The following FRG1 variants were observed in gnomAD, a reference collection of about 807,000 sequenced individuals.
FRG1 encodes FSHD region gene 1.
A neutral mutation model predicts 37.0 loss-of-function variants in FRG1; 19 were observed. That is an observed-to-expected ratio of 0.51 (90% CI 0.36 to 0.75). FRG1 has a LOEUF of 0.75. Among genes scored for constraint, FRG1 ranks in the 30% least tolerant of loss-of-function variants. FRG1 has a pLI of 0.00. For missense variants in FRG1, 243 were observed against 301.4 expected (o/e 0.81, Z 1.44); for synonymous variants, 73 against 96.5 (o/e 0.76, Z 1.43).
At chr4:189,958,661 C>T (rs1479542631) in intron 6 of FRG1, among the ~76,000 whole-genome samples, 1 of 152,232 alleles carries the variant, frequency 6.6e-6, no homozygotes, top group South Asian at 2.1e-4. Flanking sequence ...CTTTGTTTTA[C>T]ATCATTGTAA....
intron 2 of FRG1, among the ~76,000 whole-genome samples, chr4:189,948,764 C>T (rs1022255128): frequency 1.1e-4 from 16 of 152,288 alleles, no homozygotes; most frequent in Admixed American, 9.2e-4. Flanking sequence ...GATCGTGGCT[C>T]AGTGCACCCT....
chr4:189,958,019 C>A (rs1426234712), intron 6 of FRG1, among the ~76,000 whole-genome samples: 1 of 151,858 alleles, frequency 6.6e-6, no homozygotes, highest in East Asian at 1.9e-4. Context: ...CTAAAGGTAG[C>A]CTCCTCTATA....
chr4:189,948,702 T>C (rs2126805069), intron 2 of FRG1, among the ~76,000 whole-genome samples: 1 of 152,370 alleles, frequency 6.6e-6, no homozygotes, highest in Middle Eastern at 3.4e-3. Context: ...TTTGTTTTGT[T>C]TTTTTTGAGA....
chr4:189,952,018 A>C, intron 2 of FRG1, 144 bp from the exon 3 acceptor site: 1 of 563,280 alleles, frequency 1.8e-6, no homozygotes. Context: ...ATCGAGACAA[A>C]GTGAGTAAAG....
intron 2 of FRG1, among the ~76,000 whole-genome samples, chr4:189,951,882 G>T (rs200688692): frequency 6.6e-6 from 1 of 152,060 alleles, no homozygotes. Context: ...GCTGGTAGTC[G>T]CATGAATCTC....
chr4:189,940,988 C>T lies in FRG1; in HGVS notation c.-22C>T, dbSNP rs200903589. 1.8e-5 allele frequency: 29 copies of T among 1,608,982 alleles called. No individual in the cohort carries two copies. The highest frequency in any genetic ancestry group is 2.4e-5 in the Non-Finnish European group (28 of 1,176,046). On this transcript the variant is annotated 5_prime_UTR_variant, in exon 1 of 9. Transcript: ENST00000226798. ...CGTCCAGAACCGGCCTCAGCCTCTC[C>T]GCGCAGAAGTTTCCCGGAGCCATGG...
chr4:189,943,075 A>G, intron 1 of FRG1, 127 bp from the exon 2 acceptor site: 3 of 1,052,366 alleles, frequency 2.9e-6, no homozygotes, highest in East Asian at 2.5e-5. Context: ...GGGCATATCA[A>G]TGTAAGTCTT....
rs1366234117 is a variant in FRG1, at chr4:189,943,089, A to G, written c.63-113A>G. 6.6e-6 allele frequency: 8 copies of G among 1,220,740 alleles called. No individual in the cohort carries two copies. The South Asian group carries it at 9.0e-5, about 14-fold the overall frequency. 75.6% of individuals were successfully genotyped at this position (1,220,740 alleles called of 1,614,324 possible). A position where few individuals can be genotyped will look rare whatever the true frequency, so the allele number is the denominator to read the frequency against. On this transcript the variant is annotated intron_variant, in intron 1 of 8. Coordinates refer to ENST00000226798, the MANE Select transcript of FRG1 (RefSeq NM_004477.3). ...AGGGCATATCAATGTAAGTCTTCCT[A>G]AATCAATAATTTATAAATGAAACAG... is the stretch of plus-strand genomic sequence containing the variant.
At chr4:189,959,178 TTAG>T (rs1434410026) in intron 6 of FRG1, among the ~76,000 whole-genome samples, 1 of 152,244 alleles carries the variant, frequency 6.6e-6, no homozygotes, top group Non-Finnish European at 1.5e-5. Flanking sequence ...GATTTTCTTT[TTAG>T]AATAGTCTTG....
At chr4:189,961,011 T>A (rs951633242) in intron 7 of FRG1, 172 bp downstream of exon 7, 15 of 620,810 alleles carry the variant, frequency 2.4e-5, no homozygotes, top group African/African-American at 2.1e-4. Context: ...AAGGCTGCAG[T>A]GAGCTCTGAT....
At chr4:189,954,595 C>CT (rs1160474689) in intron 4 of FRG1, among the ~76,000 whole-genome samples, 174 of 74,506 alleles carry the variant, frequency 2.3e-3, no homozygotes, top group Admixed American at 7.8e-3. Flanking sequence ...TAGCTTTTTT[C>CT]TTTTTTTTTT....
intron 8 of FRG1, among the ~76,000 whole-genome samples, chr4:189,962,461 G>A (rs1737277856): frequency 1.3e-5 from 2 of 152,106 alleles, no homozygotes; most frequent in South Asian, 2.1e-4. Flanking sequence ...AAACAGAGAC[G>A]TTTAGCTGTG....
At chr4:189,961,568 C>G (rs1472394967) in intron 7 of FRG1, 1 of 249,712 alleles carries the variant, frequency 4.0e-6, no homozygotes, top group Non-Finnish European at 7.7e-6. Context: ...CCACTATGCT[C>G]GGCTAATTTT....
At chr4:189,950,765 T>C (rs1410830731) in intron 2 of FRG1, among the ~76,000 whole-genome samples, 1 of 152,178 alleles carries the variant, frequency 6.6e-6, no homozygotes, top group East Asian at 1.9e-4. Flanking sequence ...TATCAATATT[T>C]TGCCAATCTC....
intron 7 of FRG1, 88 bp downstream of exon 7, chr4:189,960,927 G>T: frequency 1.3e-6 from 2 of 1,486,260 alleles, no homozygotes; most frequent in Non-Finnish European, 1.8e-6. Context: ...ACTTAGCTGG[G>T]CATGGTGGTA....
chr4:189,957,971 A>G (rs1737057800), intron 6 of FRG1, among the ~76,000 whole-genome samples: 1 of 151,854 alleles, frequency 6.6e-6, no homozygotes, highest in Non-Finnish European at 1.5e-5. Context: ...TTTCTTTATA[A>G]ACATATGAAT....
At chr4:189,948,139 T>C (rs1736605478) in intron 2 of FRG1, among the ~76,000 whole-genome samples, 1 of 152,236 alleles carries the variant, frequency 6.6e-6, no homozygotes, top group Non-Finnish European at 1.5e-5. Flanking sequence ...GTGGATTTTC[T>C]AAACTTGCCG....
chr4:189,941,069 G>A lies in FRG1; in HGVS notation c.60G>A (p.Lys20=), dbSNP rs894755016. 3 of 1,613,860 alleles carry A rather than the reference G, an allele frequency of 1.9e-6. No individual in the cohort carries two copies. Among genetic ancestry groups the A allele is most frequent in the Non-Finnish European group, 2.5e-6 (3 of 1,179,834 alleles). ...TKLVLKGTKT[K]SKKKKSKDKK... ...TCGTGCTCAAGGGAACCAAGACGAA[G>A]AGGTGGGTCCTGCAGCTTGGGCGGG... Residue 20 remains lysine (K), a splice_region_variant and synonymous_variant, in exon 1 of 9, where the codon AAG becomes AAA. Transcript: ENST00000226798.
intron 7 of FRG1, 55 bp downstream of exon 7, chr4:189,960,894 A>T: frequency 6.3e-7 from 1 of 1,575,218 alleles, no homozygotes; most frequent in Non-Finnish European, 8.6e-7. Flanking sequence ...TGCTTCTCAA[A>T]GTGCTTTCAA....
Sources: allele counts gnomAD v4.1 joint callset (sites outside exome capture counted in the v4.1 genomes callset), GRCh38; gene constraint gnomAD v4.1.1; transcripts MANE v1.5; gene names NCBI Gene and HGNC (gene_info 2026-07-23, HGNC 2026-07-21).